Variants in PLCG1 observed in about 807,000 individuals in gnomAD.
The protein encoded by PLCG1 is phospholipase C gamma 1, also known as 1-phosphatidylinositol 4,5-bisphosphate phosphodiesterase gamma-1.
Under a neutral mutation model 177.8 loss-of-function variants are expected in PLCG1, and 71 were observed. The observed-to-expected ratio is 0.40, with a 90% CI of 0.33 to 0.49. The LOEUF is 0.49. PLCG1 is among the 20% of genes least tolerant of loss of function. The probability of loss-of-function intolerance (pLI) is 0.72; values close to 1 mark genes in which losing one functional copy is unlikely to be tolerated. For missense variants in PLCG1, 1,281 were observed against 1,709.0 expected, an observed-to-expected ratio of 0.75 and a Z score of 4.42; for synonymous variants, 658 against 647.9, an observed-to-expected ratio of 1.02 and a Z score of -0.24.
rs111337269 is a variant in PLCG1, at chr20:41,159,745, G to A, written c.357G>A (p.Thr119=). The A allele has an allele frequency of 1.5e-5, 25 of 1,614,054 alleles. No individual in the cohort carries two copies. The highest frequency in any genetic ancestry group is 1.9e-5 in the Non-Finnish European group (22 of 1,180,036). The change falls in exon 2 of 32, where the codon ACG becomes ACA. Residue 119 remains threonine (T), a synonymous_variant. Coordinates refer to ENST00000685551, the MANE Select transcript of PLCG1 (RefSeq NM_002660.3). This position sits in a 1 kb window ranked among gnomAD's most constrained non-coding sequence, Gnocchi z 6.0. The part of the protein sequence containing the change: ...ILYGMEFRLK[T]LSLQATSEDE... ...ATGGAATGGAATTTCGCCTGAAAACGCTGAGCCTGCAAGGTGGGAGTTAAG... is the reference window on the plus strand; with the variant it reads ...ATGGAATGGAATTTCGCCTGAAAACACTGAGCCTGCAAGGTGGGAGTTAAG...
rs1001221848 is a variant in PLCG1, at chr20:41,163,548, T to A, written c.891+69T>A. 14 of 1,235,860 alleles carry A rather than the reference T, an allele frequency of 1.1e-5. No individual in the cohort carries two copies. Among genetic ancestry groups the A allele is most frequent in the Non-Finnish European group, 1.5e-5 (13 of 840,644 alleles). 76.6% of individuals were successfully genotyped at this position (1,235,860 alleles called of 1,614,324 possible). A position where few individuals can be genotyped will look rare whatever the true frequency, so the allele number is the denominator to read the frequency against. On this transcript the variant is annotated intron_variant, in intron 9 of 31. Transcript: ENST00000685551. The surrounding 1 kb of genome is among the most constrained non-coding windows in gnomAD (Gnocchi z 5.2). The stretch of plus-strand genomic sequence containing the variant: ...GGGGTGACCAGGACCCCACCCGGGC[T>A]CCAGGAGCTAGACGCTCCTTAGGGA...
chr20:41,137,668 C>T lies in PLCG1; in HGVS notation c.27C>T (p.Ala9=). Residue 9 remains alanine, a synonymous_variant, in exon 1 of 32, where the codon GCC becomes GCT. Coordinates refer to ENST00000685551, the MANE Select transcript of PLCG1 (RefSeq NM_002660.3). This position sits in a 1 kb window ranked among gnomAD's most constrained non-coding sequence, Gnocchi z 7.3. The part of the protein sequence containing the change: MAGAASPC[A]NGCGPGAPSD... ...TGGCGGGCGCCGCGTCCCCTTGCGC[C>T]AACGGCTGCGGGCCCGGCGCGCCCT... is the stretch of plus-strand genomic sequence containing the variant. 1 of 1,321,892 alleles carries T rather than the reference C, an allele frequency of 7.6e-7. No homozygotes were observed. The highest frequency in any genetic ancestry group is 9.7e-7 in the Non-Finnish European group (1 of 1,035,626). The allele number at this position is 1,321,892 out of a possible 1,614,324, so 81.9% of individuals were successfully genotyped here.
Position 41,166,522 on chromosome 20 carries a change from A to C in PLCG1, c.2047A>C (p.Met683Leu). The C allele has an allele frequency of 6.2e-7, 1 of 1,614,112 alleles. No homozygotes were observed. Among genetic ancestry groups the C allele is most frequent in the African/African-American group, 1.3e-5 (1 of 75,044 alleles). ...CAGAGCACAGGCTGAGCACATGCTA[A>C]TGCGCGTCCCTCGTGATGGGGCCTT... ...LTRAQAEHML[M>L]RVPRDGAFLV... is the part of the protein sequence containing the mutation. The change falls in exon 18 of 32, where the codon ATG becomes CTG. Residue 683 changes from methionine (M) to leucine (L), a missense_variant. Physicochemically the swap from Met to Leu is conservative, Grantham distance 15 (BLOSUM62 2). This residue lies in a region of PLCG1 where 723 missense variants were observed against 1,030.0 expected (regional missense o/e 0.70). Transcript: ENST00000685551. This position sits in a 1 kb window ranked among gnomAD's most constrained non-coding sequence, Gnocchi z 8.6.
rs1483219264 is a variant in PLCG1 at position 41,156,226 on chromosome 20, G to GC, written c.218-3376dup. 6.6e-6 allele frequency among the ~76,000 whole-genome samples: 1 copy of GC among 152,196 alleles called. No individual in the cohort carries two copies. Among genetic ancestry groups the GC allele is most frequent in the Non-Finnish European group, 1.5e-5 (1 of 68,026 alleles). ...TATAAGGGACTAAATCCCCCTCACT[G>GC]CCCCAAGCAGCTTATCTTGTCACTG... On this transcript the variant is annotated intron_variant, in intron 1 of 31. Coordinates refer to ENST00000685551, the MANE Select transcript of PLCG1 (RefSeq NM_002660.3). The surrounding 1 kb of genome is among the most constrained non-coding windows in gnomAD (Gnocchi z 5.0).
chr20:41,143,637 C>T (rs910081868), intron 1 of PLCG1, among the ~76,000 whole-genome samples: 1 of 152,154 alleles, frequency 6.6e-6, no homozygotes, highest in Non-Finnish European at 1.5e-5. Context: ...TACCATTGAC[C>T]AGATAGTCCC....
rs777155730 is a variant in PLCG1 at position 41,153,684 on chromosome 20, G to C, written c.218-5922G>C. 5.9e-5 allele frequency among the ~76,000 whole-genome samples: 9 copies of C among 152,252 alleles called. No individual in the cohort carries two copies. The highest frequency in any genetic ancestry group is 1.0e-4 in the Non-Finnish European group (7 of 68,010). The stretch of plus-strand genomic sequence containing the variant: ...GGCCGAGGCAGGCGAATCACTGGAG[G>C]TCAGGAGTTTGAGAGCAGCTGGCCA... On this transcript the variant is annotated intron_variant, in intron 1 of 31. Coordinates refer to ENST00000685551, the MANE Select transcript of PLCG1 (RefSeq NM_002660.3). This position sits in a 1 kb window ranked among gnomAD's most constrained non-coding sequence, Gnocchi z 5.1.
chr20:41,168,356 C>T (rs879926078), intron 20 of PLCG1, among the ~76,000 whole-genome samples: 16 of 152,338 alleles, frequency 1.1e-4, no homozygotes, highest in Admixed American at 5.2e-4. Flanking sequence ...GGAAGTTTTT[C>T]TTTCCACTTC....
intron 1 of PLCG1, among the ~76,000 whole-genome samples, chr20:41,140,896 C>T (rs1175282611): frequency 6.6e-6 from 1 of 152,160 alleles, no homozygotes; most frequent in Non-Finnish European, 1.5e-5. Context: ...TCAGTGTGTG[C>T]CAGGGCCTCA....
At chr20:41,158,004 CA>C (rs546468775) in intron 1 of PLCG1, among the ~76,000 whole-genome samples, 130 of 152,142 alleles carry the variant, frequency 8.5e-4, no homozygotes, top group South Asian at 2.1e-3. Context: ...AACCAGGGGT[CA>C]GGGAAAACAG....
chr20:41,164,922 C>T lies in PLCG1; in HGVS notation c.1218-11C>T, dbSNP rs1340318031. 1 of 1,611,360 alleles carries T rather than the reference C, an allele frequency of 6.2e-7. No individual in the cohort carries two copies. The highest frequency in any genetic ancestry group is 8.5e-7 in the Non-Finnish European group (1 of 1,178,150). On this transcript the variant is annotated splice_polypyrimidine_tract_variant and intron_variant, in intron 12 of 31. Coordinates refer to ENST00000685551, the MANE Select transcript of PLCG1 (RefSeq NM_002660.3). This position sits in a 1 kb window ranked among gnomAD's most constrained non-coding sequence, Gnocchi z 6.4. ...GAATCTGTTTCACTGTGCTTGTCCCCCATCCCGCAGGTACCCAGTCATCCT... is the reference window on the plus strand; with the variant it reads ...GAATCTGTTTCACTGTGCTTGTCCCTCATCCCGCAGGTACCCAGTCATCCT...
chr20:41,149,239 A>G (rs1384141654), intron 1 of PLCG1, among the ~76,000 whole-genome samples: 1 of 152,196 alleles, frequency 6.6e-6, no homozygotes, highest in East Asian at 1.9e-4. Context: ...TAATACTCAT[A>G]TCTAATTTTT....
Position 41,166,471 on chromosome 20 carries a change from C to G in PLCG1, c.2001-5C>G, listed in dbSNP as rs772409140. ...CTGGCCGGGCCTGACTCTGCCTGTT[C>G]TCAGGTGGTACCACGCGAGCCTGAC... On this transcript the variant is annotated splice_region_variant and splice_polypyrimidine_tract_variant and intron_variant, in intron 17 of 31. Transcript: ENST00000685551. The surrounding 1 kb of genome is among the most constrained non-coding windows in gnomAD (Gnocchi z 8.6). 15 of 1,613,902 alleles carry G rather than the reference C, an allele frequency of 9.3e-6. No individual in the cohort carries two copies. Among genetic ancestry groups the G allele is most frequent in the African/African-American group, 1.3e-5 (1 of 74,934 alleles).
Position 41,166,628 on chromosome 20 carries a change from G to C in PLCG1, c.2120+33G>C. On this transcript the variant is annotated intron_variant, in intron 18 of 31. Transcript: ENST00000685551. This position sits in a 1 kb window ranked among gnomAD's most constrained non-coding sequence, Gnocchi z 8.6. Reference sequence around the variant, plus strand: ...GTGTGGCACTGGGTTGTGGGGCCTTGCTTGGGTCTGAGCTGCCCTGACCCT... The same window carrying C: ...GTGTGGCACTGGGTTGTGGGGCCTTCCTTGGGTCTGAGCTGCCCTGACCCT... 1.2e-6 allele frequency: 2 copies of C among 1,614,084 alleles called. No individual in the cohort carries two copies. Among genetic ancestry groups the C allele is most frequent in the Non-Finnish European group, 1.7e-6 (2 of 1,179,982 alleles).
chr20:41,166,738 G>A lies in PLCG1; in HGVS notation c.2180G>A (p.Gly727Glu). The A allele has an allele frequency of 1.2e-6, 2 of 1,614,110 alleles. No individual in the cohort carries two copies. Among genetic ancestry groups the A allele is most frequent in the Non-Finnish European group, 1.7e-6 (2 of 1,180,000 alleles). The change falls in exon 19 of 32, where the codon GGG becomes GAG. Residue 727 changes from glycine to glutamate, a missense_variant. Gly to Glu is a moderately conservative substitution (Grantham distance 98). Coordinates refer to ENST00000685551, the MANE Select transcript of PLCG1 (RefSeq NM_002660.3). The surrounding 1 kb of genome is among the most constrained non-coding windows in gnomAD (Gnocchi z 8.6). ...VQQEGQTVML[G>E]NSEFDSLVDL... is the part of the protein sequence containing the mutation. The stretch of plus-strand genomic sequence containing the variant: ...CAAGAGGGCCAGACAGTGATGCTAG[G>A]GAACTCGGAGTTCGACAGCCTTGTT...
Position 41,165,496 on chromosome 20 carries a change from A to T in PLCG1, c.1556A>T (p.Tyr519Phe). 1 of 1,613,876 alleles carries T rather than the reference A, an allele frequency of 6.2e-7. No individual in the cohort carries two copies. The highest frequency in any genetic ancestry group is 1.1e-5 in the South Asian group (1 of 91,060). The part of the protein sequence containing the change: ...YFVLTSSKIY[Y>F]SEETSSDQGN... ...GTTCTGACCAGCAGCAAGATCTACT[A>T]CTCTGAGGAGACCAGCAGTGACCAG... is the stretch of plus-strand genomic sequence containing the variant. Residue 519 changes from tyrosine (Y) to phenylalanine (F), a missense_variant, in exon 15 of 32, where the codon TAC (tyrosine) becomes TTC (phenylalanine). By Grantham distance (22) the Tyr-to-Phe change is conservative. Around this residue, in one of 4 missense-constraint regions of PLCG1, gnomAD observed 723 missense variants for 1,030.0 expected, o/e 0.70. Transcript: ENST00000685551. The surrounding 1 kb of genome is among the most constrained non-coding windows in gnomAD (Gnocchi z 6.6).
At position 41,165,023 on chromosome 20, in the gene PLCG1, A is replaced by G. The variant is rs772742309; in HGVS notation, c.1308A>G (p.Thr436=). The G allele has an allele frequency of 4.3e-6, 7 of 1,613,782 alleles. No individual in the cohort carries two copies. In the East Asian group the frequency reaches 8.9e-5, roughly 21 times the overall value. ...ACTTCAAGAAGGTGCTGGGGGACAC[A>G]CTCCTCACCAAGCCCGTGGAGATCT... The part of the protein sequence containing the change: ...AQYFKKVLGD[T]LLTKPVEISA... The change falls in exon 13 of 32, where the codon ACA becomes ACG. Residue 436 remains threonine, a synonymous_variant. Coordinates refer to ENST00000685551, the MANE Select transcript of PLCG1 (RefSeq NM_002660.3). The surrounding 1 kb of genome is among the most constrained non-coding windows in gnomAD (Gnocchi z 6.6).
chr20:41,141,864 T>C (rs1333782161), intron 1 of PLCG1, among the ~76,000 whole-genome samples: 1 of 152,226 alleles, frequency 6.6e-6, no homozygotes, highest in African/African-American at 2.4e-5. Context: ...CACCTCCAGC[T>C]TCTCTCCAGA....
At chr20:41,155,738 C>T (rs958142584) in intron 1 of PLCG1, among the ~76,000 whole-genome samples, 1 of 152,170 alleles carries the variant, frequency 6.6e-6, no homozygotes, top group African/African-American at 2.4e-5. Context: ...TTTGTAGGCT[C>T]CATGTCAATG....
In PLCG1 at chr20:41,160,934, C is replaced by A. The variant is rs144888517; in HGVS notation, c.512+781C>A. On this transcript the variant is annotated intron_variant, in intron 4 of 31. Transcript: ENST00000685551. This position sits in a 1 kb window ranked among gnomAD's most constrained non-coding sequence, Gnocchi z 5.5. ...TTTGGAGGGAAGCTTGGGTTCAGTT[C>A]GAGGCATGTTAAGTTTTCTGATGCC... Among the ~76,000 whole-genome samples the A allele has an allele frequency of 6.6e-6, 1 of 152,040 alleles. No individual in the cohort carries two copies. The highest frequency in any genetic ancestry group is 1.5e-5 in the Non-Finnish European group (1 of 68,014).
Sources: gnomAD v4.1 joint callset for allele counts (sites outside exome capture counted in the v4.1 genomes callset) on GRCh38, gnomAD v4.1.1 for gene constraint, gnomAD v4.1.1 regional missense constraint, Gnocchi (gnomAD v3.1) non-coding constraint, MANE v1.5 for transcripts, NCBI Gene and HGNC (gene_info 2026-07-23, HGNC 2026-07-21) for gene names.